The following DLG2 variants were observed in gnomAD, a reference collection of about 807,000 sequenced individuals.
DLG2 encodes the protein discs large MAGUK scaffold protein 2, also known as disks large homolog 2.
In DLG2, 45 loss-of-function variants were observed where a neutral mutation model predicts 132.5. The ratio of observed to expected loss-of-function variants is 0.34; its 90% CI spans 0.27 to 0.44. DLG2 has a LOEUF of 0.44. DLG2 is among the 20% of genes least tolerant of loss of function. The pLI is 1.00. For missense variants in DLG2, 1,045 were observed against 1,196.9 expected, an observed-to-expected ratio of 0.87 and a Z score of 1.87; for synonymous variants, 424 against 419.6, an observed-to-expected ratio of 1.01 and a Z score of -0.13.
chr11:83,683,765 A>G (rs2079222563), intron 18 of DLG2, among the ~76,000 whole-genome samples: 3 of 151,880 alleles, frequency 2.0e-5, no homozygotes, highest in African/African-American at 7.3e-5. Flanking sequence ...TCCCTCAACT[A>G]CCTTTTAAGA....
At chr11:83,677,291 TCTTC>T (rs2077909692) in intron 18 of DLG2, among the ~76,000 whole-genome samples, 1 of 152,174 alleles carries the variant, frequency 6.6e-6, no homozygotes, top group Admixed American at 6.6e-5. Flanking sequence ...TACTACCAAC[TCTTC>T]CAGGCAAAAT....
At chr11:83,903,228 T>G (rs1028779392) in intron 15 of DLG2, among the ~76,000 whole-genome samples, 1 of 152,106 alleles carries the variant, frequency 6.6e-6, no homozygotes, top group African/African-American at 2.4e-5. Flanking sequence ...TAATGCTATA[T>G]AGTAAACTCC....
intron 14 of DLG2, among the ~76,000 whole-genome samples, chr11:83,949,960 G>T (rs2084983676): frequency 6.6e-6 from 1 of 152,180 alleles, no homozygotes; most frequent in Non-Finnish European, 1.5e-5. Flanking sequence ...TTGGAGACTA[G>T]TTCCCAGATG....
chr11:84,467,286 T>C (rs1209285311), intron 7 of DLG2, among the ~76,000 whole-genome samples: 2 of 151,428 alleles, frequency 1.3e-5, no homozygotes, highest in Non-Finnish European at 3.0e-5. Flanking sequence ...ATTATTAGAA[T>C]TGATTTTTAC....
intron 6 of DLG2, among the ~76,000 whole-genome samples, chr11:85,068,791 G>GA: frequency 6.6e-6 from 1 of 152,076 alleles, no homozygotes; most frequent in South Asian, 2.1e-4. Context: ...CACAGAATTG[G>GA]AAAAAACTAC....
chr11:83,844,989 T>G (rs1172847419), intron 16 of DLG2, among the ~76,000 whole-genome samples: 1 of 152,130 alleles, frequency 6.6e-6, no homozygotes, highest in Non-Finnish European at 1.5e-5. Context: ...GTAGTTACAT[T>G]TTGCATCATA....
chr11:84,398,844 G>A (rs531077915), intron 7 of DLG2, among the ~76,000 whole-genome samples: 3 of 152,258 alleles, frequency 2.0e-5, no homozygotes, highest in East Asian at 3.9e-4. Flanking sequence ...TGAAGCACAA[G>A]ATGTATTCTA....
chr11:84,217,301 G>A (rs1209977860), intron 8 of DLG2, among the ~76,000 whole-genome samples: 1 of 152,160 alleles, frequency 6.6e-6, no homozygotes, highest in Non-Finnish European at 1.5e-5. Flanking sequence ...TGACTTGGCG[G>A]GAAGTAATTG....
chr11:84,501,115 A>AT (rs2099203384), intron 7 of DLG2, among the ~76,000 whole-genome samples: 2 of 152,176 alleles, frequency 1.3e-5, no homozygotes, highest in South Asian at 4.1e-4. Flanking sequence ...AAGGATGTGG[A>AT]TTTTTCTACT....
chr11:84,295,140 C>T (rs1599277880), intron 7 of DLG2, among the ~76,000 whole-genome samples: 1 of 152,238 alleles, frequency 6.6e-6, no homozygotes, highest in East Asian at 1.9e-4. Flanking sequence ...ACTCTTTGGA[C>T]TCAGAACCTG....
Position 84,905,997 on chromosome 11 carries a change from T to C in DLG2, c.357+205664A>G, listed in dbSNP as rs993038701. Among the ~76,000 whole-genome samples, 6 of 152,294 alleles carry C rather than the reference T, an allele frequency of 3.9e-5. No individual in the cohort carries two copies. In the East Asian group the frequency reaches 5.8e-4, roughly 15 times the overall value. ...AAAAATGCCTTGTATAAACCTCATC[T>C]GGCAGTTAAAGCCTAGTTTAAACTA... is the stretch of plus-strand genomic sequence containing the variant. On this transcript the variant is annotated intron_variant, in intron 6 of 27. Transcript: ENST00000376104.
At chr11:83,896,517 GAAACA>G (rs1354099994) in intron 15 of DLG2, among the ~76,000 whole-genome samples, 2 of 152,120 alleles carry the variant, frequency 1.3e-5, no homozygotes, top group African/African-American at 4.8e-5. Flanking sequence ...TTTCTTTTGT[GAAACA>G]AAACAAAAGG....
At chr11:83,807,060 T>A (rs2046095725) in intron 17 of DLG2, among the ~76,000 whole-genome samples, 1 of 152,128 alleles carries the variant, frequency 6.6e-6, no homozygotes, top group Non-Finnish European at 1.5e-5. Context: ...AAAAAATGCT[T>A]CTAGACATTT....
At chr11:83,872,918 T>C (rs1270367743) in intron 16 of DLG2, among the ~76,000 whole-genome samples, 2 of 152,180 alleles carry the variant, frequency 1.3e-5, no homozygotes, top group African/African-American at 2.4e-5. Context: ...CTCAGCTACA[T>C]AGTATGCACA....
At chr11:84,369,814 T>G (rs189059599) in intron 7 of DLG2, among the ~76,000 whole-genome samples, 44 of 152,268 alleles carry the variant, frequency 2.9e-4, no homozygotes, top group Admixed American at 2.8e-3. Flanking sequence ...AGAAAGGATA[T>G]GAAATATGTA....
chr11:84,534,000 T>C (rs2099349522), intron 7 of DLG2, among the ~76,000 whole-genome samples: 2 of 151,654 alleles, frequency 1.3e-5, no homozygotes, highest in African/African-American at 4.8e-5. Flanking sequence ...TTATACCTTC[T>C]TCTTGTCGAA....
At chr11:84,616,980 TTTC>T (rs1174322779) in intron 6 of DLG2, among the ~76,000 whole-genome samples, 1 of 149,302 alleles carries the variant, frequency 6.7e-6, no homozygotes, top group Non-Finnish European at 1.5e-5. Context: ...CTCTCTTCCC[TTTC>T]TTTTTTTTTT....
At chr11:84,934,504 GTTTTTTTTTTGTTTTGTTTTGTTT>G (rs1249106185) in intron 6 of DLG2, among the ~76,000 whole-genome samples, 1,782 of 33,880 alleles carry the variant, frequency 0.053, 134 homozygotes, top group Admixed American at 0.1. Flanking sequence ...GGTCCTGGGT[GTTTTTTTTTTGTTTTGTTTTGTTT>G]TTTTTTTTTT....
intron 7 of DLG2, among the ~76,000 whole-genome samples, chr11:84,467,652 T>C (rs967659659): frequency 5.9e-5 from 9 of 151,428 alleles, no homozygotes; most frequent in African/African-American, 1.9e-4. Context: ...GAACCATAAT[T>C]GAATTTTGCT....
Sources: allele counts gnomAD v4.1 joint callset (sites outside exome capture counted in the v4.1 genomes callset), GRCh38; gene constraint gnomAD v4.1.1; transcripts MANE v1.5; gene names NCBI Gene and HGNC (gene_info 2026-07-23, HGNC 2026-07-21).